Variants in EPM2A observed in about 807,000 individuals in gnomAD.
EPM2A encodes laforin.
A neutral mutation model predicts 26.5 loss-of-function variants in EPM2A; 21 were observed. That is an observed-to-expected ratio of 0.79 (90% CI 0.56 to 1.14). EPM2A has a LOEUF of 1.14. Among genes scored for constraint, EPM2A ranks in the 50% most tolerant of loss-of-function variants. EPM2A has a pLI of 0.00. For missense variants in EPM2A, 458 were observed against 440.8 expected, an observed-to-expected ratio of 1.04 and a Z score of -0.35; for synonymous variants, 217 against 177.6, an observed-to-expected ratio of 1.22 and a Z score of -1.76.
intron 2 of EPM2A, among the ~76,000 whole-genome samples, chr6:145,532,769 T>C (rs181511693): frequency 1.3e-5 from 2 of 152,130 alleles, no homozygotes; most frequent in African/African-American, 4.8e-5. Context: ...CTTCAACCCA[T>C]TCCCATCTGT....
At chr6:145,440,670 T>C (rs1779050182) in intron 4 of EPM2A, among the ~76,000 whole-genome samples, 1 of 152,214 alleles carries the variant, frequency 6.6e-6, no homozygotes, top group Non-Finnish European at 1.5e-5. Context: ...TGGGAGAAAC[T>C]GGTCAAAACA....
At chr6:145,596,180 A>G (rs1375214979) in intron 2 of EPM2A, among the ~76,000 whole-genome samples, 1 of 152,194 alleles carries the variant, frequency 6.6e-6, no homozygotes, top group African/African-American at 2.4e-5. Flanking sequence ...ATTGACAACT[A>G]ATTTTTACAC....
chr6:145,454,495 A>G (rs564777082), intron 4 of EPM2A, among the ~76,000 whole-genome samples: 8 of 152,288 alleles, frequency 5.3e-5, no homozygotes, highest in Admixed American at 1.3e-4. Context: ...TGAACATAAT[A>G]AAAGATGACC....
chr6:145,685,722 C>T (rs1266342985), intron 2 of EPM2A, among the ~76,000 whole-genome samples: 1 of 152,046 alleles, frequency 6.6e-6, no homozygotes, highest in Non-Finnish European at 1.5e-5. Context: ...CCTGTATTTT[C>T]ACACATATTT....
At chr6:145,452,778 A>G (rs1445227926) in intron 4 of EPM2A, among the ~76,000 whole-genome samples, 2 of 152,242 alleles carry the variant, frequency 1.3e-5, no homozygotes, top group Non-Finnish European at 2.9e-5. Context: ...CTGCAGAAGT[A>G]TTGCCTATTT....
At chr6:145,715,778 C>T (rs1401273180) in intron 1 of EPM2A, among the ~76,000 whole-genome samples, 1 of 152,144 alleles carries the variant, frequency 6.6e-6, no homozygotes, top group East Asian at 1.9e-4. Flanking sequence ...GAAGCTAATG[C>T]CTGATGATCT....
intron 4 of EPM2A, among the ~76,000 whole-genome samples, chr6:145,459,352 C>T (rs1210337482): frequency 6.6e-6 from 1 of 152,162 alleles, no homozygotes; most frequent in Non-Finnish European, 1.5e-5. Context: ...GAACAATGCT[C>T]AGAATGGATG....
intron 2 of EPM2A, among the ~76,000 whole-genome samples, chr6:145,546,801 A>G (rs1780588631): frequency 6.6e-6 from 1 of 152,142 alleles, no homozygotes; most frequent in Non-Finnish European, 1.5e-5. Flanking sequence ...ATAAGATTGT[A>G]TACATTTTTC....
At chr6:145,723,071 T>C (rs1212234764) in intron 1 of EPM2A, among the ~76,000 whole-genome samples, 1 of 152,230 alleles carries the variant, frequency 6.6e-6, no homozygotes, top group Non-Finnish European at 1.5e-5. Context: ...TCATGTTGAT[T>C]TGTTTAATCT....
chr6:145,565,756 G>A (rs1358520330), intron 2 of EPM2A, among the ~76,000 whole-genome samples: 1 of 152,146 alleles, frequency 6.6e-6, no homozygotes, highest in Non-Finnish European at 1.5e-5. Flanking sequence ...AATGGTCCTG[G>A]GATGACTATC....
At chr6:145,561,980 T>C (rs1159980448) in intron 2 of EPM2A, among the ~76,000 whole-genome samples, 1 of 151,946 alleles carries the variant, frequency 6.6e-6, no homozygotes, top group Admixed American at 6.6e-5. Context: ...GACGGGTTGA[T>C]AGGTGCAAAC....
In EPM2A at chr6:145,709,316, T is replaced by C. The variant is rs112735987; in HGVS notation, c.302-23020A>G. 7.7e-3 allele frequency among the ~76,000 whole-genome samples: 1,167 copies of C among 152,246 alleles called. 18 individuals carry two copies. The highest frequency in any genetic ancestry group is 0.027 in the African/African-American group (1,105 of 41,548). Reference sequence around the variant, plus strand: ...TGGCTGTGTCCCCACCCAAATCTTATCTTGAATTGTAGCTCCCATAATTCC... The same window carrying C: ...TGGCTGTGTCCCCACCCAAATCTTACCTTGAATTGTAGCTCCCATAATTCC... On this transcript the variant is annotated intron_variant, in intron 1 of 3. Coordinates refer to ENST00000367519, the MANE Select transcript of EPM2A (RefSeq NM_005670.4).
chr6:145,447,890 T>C (rs961255613), intron 4 of EPM2A, among the ~76,000 whole-genome samples: 1 of 152,106 alleles, frequency 6.6e-6, no homozygotes, highest in Non-Finnish European at 1.5e-5. Flanking sequence ...TGTATTATTT[T>C]GTTGGTTAAT....
At chr6:145,491,807 G>C (rs948613309) in intron 4 of EPM2A, 2 of 531,628 alleles carry the variant, frequency 3.8e-6, no homozygotes, top group Non-Finnish European at 7.7e-6. Context: ...TTCTTCTCCT[G>C]TATCAATTAT....
chr6:145,579,766 C>T (rs572250017), intron 2 of EPM2A, among the ~76,000 whole-genome samples: 4 of 152,120 alleles, frequency 2.6e-5, no homozygotes, highest in African/African-American at 7.2e-5. Context: ...CTTTTTTCCT[C>T]TTATACCTCT....
intron 2 of EPM2A, among the ~76,000 whole-genome samples, chr6:145,574,235 A>C (rs1780998588): frequency 1.3e-5 from 2 of 152,022 alleles, no homozygotes; most frequent in Non-Finnish European, 2.9e-5. Flanking sequence ...TGCTTGTATA[A>C]ATTAAGTAGG....
chr6:145,488,522 T>TGAGAGAGAGAGA lies in EPM2A; in HGVS notation c.555+13988_555+13999dup, dbSNP rs200590979. 6.1e-3 allele frequency among the ~76,000 whole-genome samples: 849 copies of TGAGAGAGAGAGA among 139,948 alleles called. 26 individuals carry two copies. Among genetic ancestry groups the TGAGAGAGAGAGA allele is most frequent in the Admixed American group, 0.048 (672 of 13,918 alleles). 91.8% of individuals were successfully genotyped at this position (139,948 alleles called of 152,430 possible). A position where few individuals can be genotyped will look rare whatever the true frequency, so the allele number is the denominator to read the frequency against. ...GTGTGTGTGTGTGTGTGTGTGTGTGTGAGAGAGAGAGAGAGAGAGAGAGAG... is the reference window on the plus strand; with the variant it reads ...GTGTGTGTGTGTGTGTGTGTGTGTGTGAGAGAGAGAGAGAGAGAGAGAGAGAGAGAGAGAGAG... On this transcript the variant is annotated intron_variant, in intron 4 of 4. Coordinates refer to the EPM2A transcript ENST00000638717.
At chr6:145,602,537 G>C (rs1227571002) in intron 2 of EPM2A, among the ~76,000 whole-genome samples, 1 of 152,196 alleles carries the variant, frequency 6.6e-6, no homozygotes, top group Non-Finnish European at 1.5e-5. Flanking sequence ...CTCTGGCCCT[G>C]CAGCTTTGTG....
intron 2 of EPM2A, among the ~76,000 whole-genome samples, chr6:145,572,200 G>A (rs1486062861): frequency 6.6e-6 from 1 of 152,188 alleles, no homozygotes; most frequent in East Asian, 1.9e-4. Flanking sequence ...GGGCTATAGT[G>A]CTGCAGCTGT....
Sources: gnomAD v4.1 joint callset for allele counts (sites outside exome capture counted in the v4.1 genomes callset) on GRCh38, gnomAD v4.1.1 for gene constraint, MANE v1.5 for transcripts, NCBI Gene and HGNC (gene_info 2026-07-23, HGNC 2026-07-21) for gene names.